The following SLC38A10 variants were observed in gnomAD, a reference collection of about 807,000 sequenced individuals.
SLC38A10 encodes the protein solute carrier family 38 member 10.
A neutral mutation model predicts 81.0 loss-of-function variants in SLC38A10; 53 were observed. The ratio of observed to expected loss-of-function variants is 0.65; its 90% CI spans 0.53 to 0.82. SLC38A10 has a LOEUF of 0.82. Ranked by LOEUF, SLC38A10 falls within the 40% of genes least tolerant of loss-of-function variation. The probability of loss-of-function intolerance (pLI) is 0.00; values close to 1 mark genes in which losing one functional copy is unlikely to be tolerated. For missense variants in SLC38A10, 1,471 were observed against 1,545.0 expected (o/e 0.95, Z 0.80); for synonymous variants, 665 against 655.3 (o/e 1.01, Z -0.23).
Position 81,288,051 on chromosome 17 carries a change from C to T in SLC38A10, c.217+1640G>A, listed in dbSNP as rs891796999. On this transcript the variant is annotated intron_variant, in intron 2 of 15. Coordinates refer to ENST00000374759, the MANE Select transcript of SLC38A10 (RefSeq NM_001037984.3). The surrounding 1 kb of genome is among the most constrained non-coding windows in gnomAD (Gnocchi z 5.4). ...GTGGATCAAACTTAACAGTGAACTT[C>T]ACTTCCTCAAATAACAACAAGAAAA... Among the ~76,000 whole-genome samples the T allele has an allele frequency of 8.5e-5, 13 of 152,224 alleles. No homozygotes were observed. Among genetic ancestry groups the T allele is most frequent in the African/African-American group, 2.9e-4 (12 of 41,458 alleles).
chr17:81,276,088 G>C lies in SLC38A10; in HGVS notation c.793C>G (p.Pro265Ala). The stretch of plus-strand genomic sequence containing the variant: ...AGCATCTCCGTCACCAGGTTGGAGG[G>C]AAAGTGCATGAGCACGTTGCCGGCC... ...ATAGNVLMHF[P>A]SNLVTEMLRV... Residue 265 changes from proline (P) to alanine (A), a missense_variant, in exon 8 of 16, where the codon CCC (proline) becomes GCC (alanine). Pro to Ala is a conservative substitution (Grantham distance 27). Transcript: ENST00000374759. This position sits in a 1 kb window ranked among gnomAD's most constrained non-coding sequence, Gnocchi z 4.7. The C allele has an allele frequency of 3.7e-6, 6 of 1,613,952 alleles. No homozygotes were observed. The highest frequency in any genetic ancestry group is 5.1e-6 in the Non-Finnish European group (6 of 1,180,004).
chr17:81,252,422 A>C lies in SLC38A10; in HGVS notation c.1718T>G (p.Leu573Arg). 1.9e-6 allele frequency: 3 copies of C among 1,613,238 alleles called. No homozygotes were observed. The highest frequency in any genetic ancestry group is 1.7e-6 in the Non-Finnish European group (2 of 1,180,016). The change falls in exon 13 of 16, where the codon CTT (leucine) becomes CGT (arginine). Residue 573 changes from leucine (L) to arginine (R), a missense_variant. Physicochemically the swap from Leu to Arg is moderately radical, Grantham distance 102. Around this residue, in one of 2 missense-constraint regions of SLC38A10, gnomAD observed 720 missense variants for 827.7 expected, o/e 0.87. Coordinates refer to ENST00000374759, the MANE Select transcript of SLC38A10 (RefSeq NM_001037984.3). ...QAQALEEAGD[L>R]PEDPQKVPEA... ...TGGAACTTTCTGGGGATCTTCAGGA[A>C]GATCACCCGCCTCCTCCAAGGCCTG...
intron 14 of SLC38A10, among the ~76,000 whole-genome samples, chr17:81,248,380 G>A (rs774122739): frequency 1.5e-4 from 23 of 152,220 alleles, no homozygotes; most frequent in Non-Finnish European, 2.6e-4. Flanking sequence ...GCGTGATGGG[G>A]AGCCCCAGTG....
intron 8 of SLC38A10, among the ~76,000 whole-genome samples, chr17:81,273,501 G>A (rs1232659013): frequency 2.6e-5 from 4 of 152,212 alleles, no homozygotes; most frequent in African/African-American, 7.2e-5. Flanking sequence ...CGGACTGGCC[G>A]TGATGACTCT....
chr17:81,257,368 T>C (rs2062982173), intron 11 of SLC38A10, among the ~76,000 whole-genome samples: 1 of 152,176 alleles, frequency 6.6e-6, no homozygotes, highest in African/African-American at 2.4e-5. Context: ...AGTGCTGAGA[T>C]TCCAGGTGTG....
Position 81,252,533 on chromosome 17 carries a change from C to T in SLC38A10, c.1607G>A (p.Gly536Asp). The T allele has an allele frequency of 6.2e-7, 1 of 1,613,340 alleles. No individual in the cohort carries two copies. The highest frequency in any genetic ancestry group is 1.6e-4 in the Middle Eastern group (1 of 6,062). Residue 536 changes from glycine (G) to aspartate (D), a missense_variant, in exon 13 of 16, where the codon GGC becomes GAC. Physicochemically the swap from Gly to Asp is moderately conservative, Grantham distance 94 (BLOSUM62 -1). Coordinates refer to ENST00000374759, the MANE Select transcript of SLC38A10 (RefSeq NM_001037984.3). ...HAGGKAPGVQ[G>D]QMAPPLPDSE... ...GTCGGGCAGAGGCGGCGCCATCTGGCCCTGGACCCCTGGAGCCTTTCCGCC... is the reference window on the plus strand; with the variant it reads ...GTCGGGCAGAGGCGGCGCCATCTGGTCCTGGACCCCTGGAGCCTTTCCGCC...
At position 81,282,282 on chromosome 17, in the gene SLC38A10, G is replaced by A. The variant is rs992293584; in HGVS notation, c.408C>T (p.Ile136=). The change falls in exon 5 of 16, where the codon ATC becomes ATT. Residue 136 remains isoleucine, a synonymous_variant. Transcript: ENST00000374759. ...TCCGCTGCAGGCTGAGCGGGAGCAC[G>A]ATGCACAGCGACACGGCGAACAGCA... is the stretch of plus-strand genomic sequence containing the variant. ...MFLLFAVSLC[I]VLPLSLQRNM... 5 of 1,613,464 alleles carry A rather than the reference G, an allele frequency of 3.1e-6. No homozygotes were observed. Among genetic ancestry groups the A allele is most frequent in the East Asian group, 2.2e-5 (1 of 44,888 alleles).
chr17:81,245,393 G>T lies in SLC38A10; in HGVS notation c.*163C>A. ...AGAACATTCTGGAAACGATGCCACA[G>T]TGAATCTTTTATACTGTCACTCACA... On this transcript the variant is annotated 3_prime_UTR_variant, in exon 16 of 16. Coordinates refer to ENST00000374759, the MANE Select transcript of SLC38A10 (RefSeq NM_001037984.3). The T allele has an allele frequency of 2.3e-6, 2 of 868,210 alleles. No individual in the cohort carries two copies. Among genetic ancestry groups the T allele is most frequent in the Non-Finnish European group, 3.4e-6 (2 of 581,774 alleles). 53.8% of individuals were successfully genotyped at this position (868,210 alleles called of 1,614,324 possible).
rs1162783405 is a variant in SLC38A10, at chr17:81,253,995, GCCA to G, written c.1289-758_1289-756del. Among the ~76,000 whole-genome samples, 2 of 150,804 alleles carry G rather than the reference GCCA, an allele frequency of 1.3e-5. No individual in the cohort carries two copies. Among genetic ancestry groups the G allele is most frequent in the Non-Finnish European group, 2.9e-5 (2 of 67,866 alleles). ...TCCCCACCACCATCGCTGCATCATT[GCCA>G]CCACCTCCATAATCATCACCTACAT... is the stretch of plus-strand genomic sequence containing the variant. On this transcript the variant is annotated intron_variant, in intron 11 of 15. Transcript: ENST00000374759. The surrounding 1 kb of genome is among the most constrained non-coding windows in gnomAD (Gnocchi z 4.1).
chr17:81,245,620 C>T lies in SLC38A10; in HGVS notation c.3296G>A (p.Gly1099Glu), dbSNP rs747066298. ...CCGGCTGTGGACCACCTGCAGAGCT[C>T]CCCCCGCAGCCTGGCGGAGCTGGGC... ...LDAQLRQAAG[G>E]ALQVVHSRQL... The change falls in exon 16 of 16, where the codon GGA (glycine) becomes GAA (glutamate). Residue 1099 changes from glycine to glutamate, a missense_variant. By Grantham distance (98) the Gly-to-Glu change is moderately conservative. This residue lies in a region of SLC38A10 where 751 missense variants were observed against 717.4 expected (regional missense o/e 1.05). Coordinates refer to ENST00000374759, the MANE Select transcript of SLC38A10 (RefSeq NM_001037984.3). The T allele has an allele frequency of 3.1e-6, 5 of 1,611,878 alleles. No homozygotes were observed. In the South Asian group the frequency reaches 3.3e-5, roughly 11 times the overall value.
intron 3 of SLC38A10, 74 bp downstream of exon 3, chr17:81,284,776 C>A: frequency 8.1e-7 from 1 of 1,233,508 alleles, no homozygotes; most frequent in East Asian, 2.9e-5. Flanking sequence ...ATGAAACTGC[C>A]GCTCCCACCG....
At chr17:81,272,393 CTA>C in intron 9 of SLC38A10, 121 bp downstream of exon 9, 1 of 527,702 alleles carries the variant, frequency 1.9e-6, no homozygotes, top group Non-Finnish European at 3.2e-6. Context: ...GACAAAGTCT[CTA>C]GACTTTTTTA....
At position 81,245,279 on chromosome 17, in the gene SLC38A10, C is replaced by T. The variant is rs1430323231; in HGVS notation, c.*277G>A. On this transcript the variant is annotated 3_prime_UTR_variant, in exon 16 of 16. Transcript: ENST00000374759. ...TGGGAGTGCACCAGCCAGCTCGCAG[C>T]GGAGGCCGTTTCTCCTCACAGGCTG... 5 of 392,572 alleles carry T rather than the reference C, an allele frequency of 1.3e-5. No homozygotes were observed. The highest frequency in any genetic ancestry group is 4.5e-5 in the East Asian group (1 of 22,250). The allele number at this position is 392,572 out of a possible 1,614,324, so 24.3% of individuals were successfully genotyped here.
chr17:81,248,790 C>A (rs2062877077), intron 14 of SLC38A10, among the ~76,000 whole-genome samples: 1 of 152,098 alleles, frequency 6.6e-6, no homozygotes, highest in Admixed American at 6.5e-5. Flanking sequence ...TGGGCCTCGC[C>A]CAGACCCCTG....
rs201790127 is a variant in SLC38A10 at position 81,246,255 on chromosome 17, G to T, written c.2661C>A (p.Gly887=). 1 of 1,612,640 alleles carries T rather than the reference G, an allele frequency of 6.2e-7. No homozygotes were observed. Among genetic ancestry groups the T allele is most frequent in the South Asian group, 1.1e-5 (1 of 91,090 alleles). ...CAGGTTTTTTCCTGTCTTGGGAACC[G>T]CCAGTAACGTCCTGACTTTGCCCAG... ...EFPGQSQDVT[G]GSQDRKKPGK... Residue 887 remains glycine (G), a synonymous_variant, in exon 16 of 16, where the codon GGC becomes GGA. Transcript: ENST00000374759.
chr17:81,283,378 G>A lies in SLC38A10; in HGVS notation c.357+31C>T, dbSNP rs1308012397. 6.3e-7 allele frequency: 1 copy of A among 1,598,784 alleles called. No individual in the cohort carries two copies. Among genetic ancestry groups the A allele is most frequent in the South Asian group, 1.1e-5 (1 of 89,656 alleles). On this transcript the variant is annotated intron_variant, in intron 4 of 15. Transcript: ENST00000374759. This position sits in a 1 kb window ranked among gnomAD's most constrained non-coding sequence, Gnocchi z 4.7. ...GGCCTCAGAGCAGCCGTCAGCATCT[G>A]AACAACCCAGAACCCTGAACACATC...
chr17:81,280,775 G>A (rs370985569), intron 5 of SLC38A10, 42 bp from the exon 6 acceptor site: 58 of 1,575,506 alleles, frequency 3.7e-5, no homozygotes, highest in African/African-American at 3.6e-4. Context: ...AGGTCAGGAC[G>A]CAGGCGGGAC....
rs1006717252 is a variant in SLC38A10 at position 81,245,321 on chromosome 17, T to C, written c.*235A>G. On this transcript the variant is annotated 3_prime_UTR_variant, in exon 16 of 16. Transcript: ENST00000374759. ...CACAGGCTGGAGTGAGCTCAGAGTCTAGAGGTCAGAGGACCTCAGACTAAG... is the reference window on the plus strand; with the variant it reads ...CACAGGCTGGAGTGAGCTCAGAGTCCAGAGGTCAGAGGACCTCAGACTAAG... 4 of 521,488 alleles carry C rather than the reference T, an allele frequency of 7.7e-6. No individual in the cohort carries two copies. Among genetic ancestry groups the C allele is most frequent in the Admixed American group, 3.8e-5 (1 of 26,590 alleles). The allele number at this position is 521,488 out of a possible 1,614,324, so 32.3% of individuals were successfully genotyped here. A position where few individuals can be genotyped will look rare whatever the true frequency, so the allele number is the denominator to read the frequency against.
At position 81,272,543 on chromosome 17, in the gene SLC38A10, T is replaced by C. The variant is rs2063126299; in HGVS notation, c.997A>G (p.Met333Val). 6.3e-7 allele frequency: 1 copy of C among 1,598,218 alleles called. No individual in the cohort carries two copies. The highest frequency in any genetic ancestry group is 8.5e-7 in the Non-Finnish European group (1 of 1,173,548). ...TTGGGGATAAGGATGCCACCAACCA[T>C]GGTTCCAAACACCACAGAGAGGGTA... Reference protein sequence around the residue: ...ALTLSVVFGTMVGGILIPNVE... With the variant: ...ALTLSVVFGTVVGGILIPNVE... Residue 333 changes from methionine (M) to valine (V), a missense_variant, in exon 9 of 16, where the codon ATG becomes GTG. This residue lies in a region of SLC38A10 where 720 missense variants were observed against 827.7 expected (regional missense o/e 0.87). Transcript: ENST00000374759.
Sources: allele counts gnomAD v4.1 joint callset (sites outside exome capture counted in the v4.1 genomes callset), GRCh38; gene constraint gnomAD v4.1.1; regional missense constraint gnomAD v4.1.1; non-coding constraint Gnocchi (gnomAD v3.1); transcripts MANE v1.5; gene names NCBI Gene and HGNC (gene_info 2026-07-23, HGNC 2026-07-21).